Variants in LDB2 observed in about 807,000 individuals in gnomAD.
LDB2 encodes the protein LIM domain binding 2.
In LDB2, 12 loss-of-function variants were observed where a neutral mutation model predicts 44.3. That is an observed-to-expected ratio of 0.27 (90% CI 0.17 to 0.44). The LOEUF is 0.44. LDB2 is among the 20% of genes least tolerant of loss of function. The pLI, the probability that LDB2 is intolerant of heterozygous loss-of-function variation, is 1.00. For missense variants in LDB2, 344 were observed against 473.5 expected, an observed-to-expected ratio of 0.73 and a Z score of 2.54; for synonymous variants, 164 against 174.8, an observed-to-expected ratio of 0.94 and a Z score of 0.49.
At chr4:16,747,345 G>A (rs1270732490) in intron 2 of LDB2, among the ~76,000 whole-genome samples, 2 of 152,174 alleles carry the variant, frequency 1.3e-5, no homozygotes, top group South Asian at 4.1e-4. Context: ...CCAGTACAGT[G>A]TCTAGAAGTG....
At chr4:16,720,490 A>AC (rs1287384640) in intron 2 of LDB2, among the ~76,000 whole-genome samples, 5 of 152,098 alleles carry the variant, frequency 3.3e-5, no homozygotes, top group African/African-American at 1.2e-4. Context: ...TATGTCTCCT[A>AC]CCGGTTTTGT....
At position 16,851,565 on chromosome 4, in the gene LDB2, G is replaced by A. The variant is rs1580226187; in HGVS notation, c.132+46789C>T. Among the ~76,000 whole-genome samples, 5 of 151,526 alleles carry A rather than the reference G, an allele frequency of 3.3e-5. No individual in the cohort carries two copies. In the South Asian group the frequency reaches 1.0e-3, roughly 32 times the overall value. ...GCCAAGCTCGCACCACTGCACTCCA[G>A]TCTGGGTGAAACAGCGAGACTCTTG... On this transcript the variant is annotated intron_variant, in intron 1 of 7. Transcript: ENST00000304523.
chr4:16,697,691 C>G (rs2152623325), intron 2 of LDB2, among the ~76,000 whole-genome samples: 1 of 152,290 alleles, frequency 6.6e-6, no homozygotes, highest in East Asian at 1.9e-4. Context: ...GCATTTCCAT[C>G]ACTGGTTCTC....
At chr4:16,607,681 A>C (rs1724325187) in intron 2 of LDB2, among the ~76,000 whole-genome samples, 1 of 152,080 alleles carries the variant, frequency 6.6e-6, no homozygotes. Flanking sequence ...CAGATTTGGG[A>C]CTCATCACAC....
At chr4:16,517,503 A>C (rs996078529) in intron 5 of LDB2, among the ~76,000 whole-genome samples, 1 of 152,140 alleles carries the variant, frequency 6.6e-6, no homozygotes, top group African/African-American at 2.4e-5. Context: ...CAAAGACAAC[A>C]TGTCTGCAAC....
chr4:16,600,177 G>A (rs1003707255), intron 2 of LDB2, among the ~76,000 whole-genome samples: 7 of 152,166 alleles, frequency 4.6e-5, no homozygotes, highest in South Asian at 2.1e-4. Flanking sequence ...CACCTAACTC[G>A]ACAGCCACAC....
At chr4:16,745,813 G>C (rs1183582831) in intron 2 of LDB2, among the ~76,000 whole-genome samples, 2 of 151,816 alleles carry the variant, frequency 1.3e-5, no homozygotes, top group African/African-American at 4.8e-5. Flanking sequence ...GAGAGAAGGA[G>C]GTAAGTGTCC....
At chr4:16,839,041 C>G (rs1392709200) in intron 1 of LDB2, among the ~76,000 whole-genome samples, 1 of 152,132 alleles carries the variant, frequency 6.6e-6, no homozygotes, top group Non-Finnish European at 1.5e-5. Flanking sequence ...TAATGCTGCA[C>G]CAACAATGAA....
intron 1 of LDB2, among the ~76,000 whole-genome samples, chr4:16,844,181 T>G (rs1398545979): frequency 7.9e-6 from 1 of 126,392 alleles, no homozygotes. Flanking sequence ...CGCGTAAGCC[T>G]AGAAGGTGAA....
At chr4:16,595,903 C>T in intron 2 of LDB2, 28 bp from the exon 3 acceptor site, 1 of 1,606,888 alleles carries the variant, frequency 6.2e-7, no homozygotes, top group Non-Finnish European at 8.5e-7. Context: ...AGAAACAAAC[C>T]ATTAACAAAA....
intron 2 of LDB2, among the ~76,000 whole-genome samples, chr4:16,712,484 G>A (rs987008059): frequency 6.6e-6 from 1 of 152,016 alleles, no homozygotes; most frequent in Non-Finnish European, 1.5e-5. Context: ...CCCAGGAGTC[G>A]GAGGTTGTAG....
intron 2 of LDB2, among the ~76,000 whole-genome samples, chr4:16,666,461 T>C (rs1743252381): frequency 6.6e-6 from 1 of 152,248 alleles, no homozygotes; most frequent in African/African-American, 2.4e-5. Context: ...CTCCATTTTC[T>C]GCCTCTGGAA....
At chr4:16,841,640 C>A (rs1452461052) in intron 1 of LDB2, among the ~76,000 whole-genome samples, 2 of 152,144 alleles carry the variant, frequency 1.3e-5, no homozygotes, top group African/African-American at 2.4e-5. Context: ...GGGCTTCTTC[C>A]CCCTTTTCTC....
chr4:16,739,609 T>TAC (rs1762607086), intron 2 of LDB2, among the ~76,000 whole-genome samples: 8 of 85,362 alleles, frequency 9.4e-5, no homozygotes, highest in African/African-American at 3.3e-4. Context: ...TATATATATA[T>TAC]GTATATATAC....
intron 2 of LDB2, among the ~76,000 whole-genome samples, chr4:16,710,351 C>T (rs548675788): frequency 3.3e-5 from 5 of 152,246 alleles, no homozygotes; most frequent in African/African-American, 4.8e-5. Flanking sequence ...CCTTGTTTGA[C>T]AGTCAAATCA....
At chr4:16,880,808 G>A (rs550963780) in intron 1 of LDB2, among the ~76,000 whole-genome samples, 1 of 151,344 alleles carries the variant, frequency 6.6e-6, no homozygotes, top group South Asian at 2.1e-4. Flanking sequence ...GGAGGCTGAG[G>A]CAGGAGAATA....
chr4:16,659,671 G>GTATATATATATATATATA (rs58539901), intron 2 of LDB2, among the ~76,000 whole-genome samples: 2 of 133,484 alleles, frequency 1.5e-5, no homozygotes, highest in Non-Finnish European at 3.1e-5. Context: ...ATCTATGTGT[G>GTATATATATATATATATA]TATATATATA....
intron 2 of LDB2, among the ~76,000 whole-genome samples, chr4:16,733,599 T>C (rs546762732): frequency 6.6e-4 from 100 of 152,242 alleles, no homozygotes; most frequent in Non-Finnish European, 1.1e-3. Flanking sequence ...TACAGGGATA[T>C]CACAAAATAA....
intron 1 of LDB2, among the ~76,000 whole-genome samples, 161 bp downstream of exon 1, chr4:16,898,193 C>G (rs1357339356): frequency 6.6e-6 from 1 of 151,860 alleles, no homozygotes; most frequent in African/African-American, 2.4e-5. Context: ...TGCCTGGAAA[C>G]CCAGCGTCCA....
Sources: allele counts gnomAD v4.1 joint callset (sites outside exome capture counted in the v4.1 genomes callset), GRCh38; gene constraint gnomAD v4.1.1; transcripts MANE v1.5; gene names NCBI Gene and HGNC (gene_info 2026-07-23, HGNC 2026-07-21).